The following PIKFYVE variants were observed in gnomAD, a reference collection of about 807,000 sequenced individuals.
PIKFYVE encodes 1-phosphatidylinositol 3-phosphate 5-kinase.
PIKFYVE carries 122 observed loss-of-function variants against 257.9 expected under a neutral mutation model. The observed-to-expected ratio is 0.47, with a 90% CI of 0.41 to 0.55. PIKFYVE has a LOEUF of 0.55. Ranked by LOEUF, PIKFYVE falls within the 20% of genes least tolerant of loss-of-function variation. PIKFYVE has a pLI of 0.00. For synonymous variants in PIKFYVE, 892 were observed against 868.9 expected (o/e 1.03, Z -0.47); for missense variants, 2,160 against 2,536.6 (o/e 0.85, Z 3.19).
intron 1 of PIKFYVE, chr2:208,269,211 T>C (rs959440540): frequency 6.6e-6 from 1 of 152,164 alleles, no homozygotes; most frequent in Admixed American, 6.5e-5. Context: ...TAAACTATAG[T>C]ATATATATTG....
intron 12 of PIKFYVE, chr2:208,305,228 A>G (rs1694183232): frequency 2.1e-6 from 3 of 1,443,474 alleles, no homozygotes; most frequent in African/African-American, 2.8e-5. Context: ...CAGCACCACC[A>G]TGCCCAGTGT....
chr2:208,325,677 C>G lies in PIKFYVE; in HGVS notation c.2866C>G (p.Gln956Glu). 3 of 1,614,128 alleles carry G rather than the reference C, an allele frequency of 1.9e-6. No homozygotes were observed. The highest frequency in any genetic ancestry group is 2.5e-6 in the Non-Finnish European group (3 of 1,180,026). The change falls in exon 20 of 42, where the codon CAA becomes GAA. Residue 956 changes from glutamine (Q) to glutamate (E), a missense_variant. Transcript: ENST00000264380. ...GCAGGCTGTTGCCTCTGTGAAGCAT[C>G]AAGAACATAGCACAACAGCTTGCCC... ...LPQAVASVKHQEHSTTACPAG... is the reference protein window; with the variant it reads ...LPQAVASVKHEEHSTTACPAG...
chr2:208,322,927 T>C (rs529602285), intron 17 of PIKFYVE, among the ~76,000 whole-genome samples: 10 of 142,910 alleles, frequency 7.0e-5, no homozygotes, highest in African/African-American at 2.6e-4. Flanking sequence ...TTCCCACCTA[T>C]GAGTGAGAAC....
intron 2 of PIKFYVE, 87 bp from the exon 3 acceptor site, chr2:208,273,497 A>G (rs1287900787): frequency 3.3e-5 from 51 of 1,525,246 alleles, no homozygotes; most frequent in Non-Finnish European, 4.0e-5. Flanking sequence ...ATACATGCAT[A>G]CATTGTTGCC....
intron 6 of PIKFYVE, among the ~76,000 whole-genome samples, 179 bp from the exon 7 acceptor site, chr2:208,288,550 T>C (rs918231961): frequency 2.6e-5 from 4 of 152,222 alleles, no homozygotes; most frequent in African/African-American, 9.6e-5. Flanking sequence ...TTAAAAGCCA[T>C]GCACTGCAAA....
At chr2:208,275,147 T>A (rs914019955) in intron 3 of PIKFYVE, among the ~76,000 whole-genome samples, 80 of 152,372 alleles carry the variant, frequency 5.3e-4, no homozygotes, top group Middle Eastern at 3.4e-3. Context: ...ATTCTATAAT[T>A]TACTAGCTTT....
At chr2:208,325,180 T>C in intron 19 of PIKFYVE, 90 bp from the exon 20 acceptor site, 1 of 1,563,544 alleles carries the variant, frequency 6.4e-7, no homozygotes, top group Middle Eastern at 1.7e-4. Context: ...AGTTTTTCTT[T>C]TACAGATATT....
intron 1 of PIKFYVE, chr2:208,269,490 C>G (rs1689128647): frequency 3.9e-6 from 1 of 255,184 alleles, no homozygotes; most frequent in African/African-American, 2.3e-5. Context: ...TGCTGTTCCC[C>G]TCCTTGACTA....
At position 208,300,977 on chromosome 2, in the gene PIKFYVE, A is replaced by G; in HGVS notation, c.1091A>G (p.His364Arg). Residue 364 changes from histidine (H) to arginine (R), a missense_variant, in exon 9 of 42, where the codon CAT becomes CGT. By Grantham distance (29) the His-to-Arg change is conservative. Around this residue, in one of 12 missense-constraint regions of PIKFYVE, gnomAD observed 3 missense variants for 17.5 expected, o/e 0.17. Transcript: ENST00000264380. ...QLKDLWKKIC[H>R]HSSGMEFQDH... ...AAAGACCTGTGGAAAAAAATCTGCC[A>G]TCACAGCAGTGGAATGGAGTTTCAG... 6.2e-7 allele frequency: 1 copy of G among 1,614,162 alleles called. No individual in the cohort carries two copies. Among genetic ancestry groups the G allele is most frequent in the African/African-American group, 1.3e-5 (1 of 75,062 alleles).
chr2:208,272,372 G>A (rs1689544585), intron 2 of PIKFYVE, among the ~76,000 whole-genome samples: 1 of 151,732 alleles, frequency 6.6e-6, no homozygotes, highest in South Asian at 2.1e-4. Context: ...GTTCTTTTGG[G>A]GGTTAATAGC....
chr2:208,352,294 C>T (rs978066686), intron 38 of PIKFYVE, among the ~76,000 whole-genome samples: 1 of 152,040 alleles, frequency 6.6e-6, no homozygotes, highest in African/African-American at 2.4e-5. Context: ...CCACCAGTGC[C>T]CCCCACCCCA....
chr2:208,308,709 G>GTTTTT (rs34169884), intron 12 of PIKFYVE, among the ~76,000 whole-genome samples: 1 of 140,534 alleles, frequency 7.1e-6, no homozygotes, highest in Non-Finnish European at 1.5e-5. Flanking sequence ...CTAGTAGTTG[G>GTTTTT]TTTTTTTTTT....
intron 5 of PIKFYVE, among the ~76,000 whole-genome samples, chr2:208,284,602 C>T (rs1350785140): frequency 1.3e-5 from 2 of 151,840 alleles, no homozygotes; most frequent in African/African-American, 4.8e-5. Flanking sequence ...TTTTTACTCT[C>T]ATATATTATA....
intron 8 of PIKFYVE, among the ~76,000 whole-genome samples, chr2:208,299,171 A>C (rs978956413): frequency 6.6e-6 from 1 of 152,138 alleles, no homozygotes; most frequent in African/African-American, 2.4e-5. Flanking sequence ...GAAATATATA[A>C]GTGAAATAGC....
chr2:208,287,184 A>T (rs868155805), intron 6 of PIKFYVE, among the ~76,000 whole-genome samples: 1 of 152,146 alleles, frequency 6.6e-6, no homozygotes, highest in Admixed American at 6.5e-5. Context: ...TATGAAAGTT[A>T]TAACAGTGGT....
At chr2:208,279,221 A>G (rs1159046688) in intron 5 of PIKFYVE, among the ~76,000 whole-genome samples, 1 of 152,014 alleles carries the variant, frequency 6.6e-6, no homozygotes, top group Non-Finnish European at 1.5e-5. Context: ...GTGTCTGTTC[A>G]TGTCTTTTGC....
intron 8 of PIKFYVE, 123 bp downstream of exon 8, chr2:208,298,902 G>A: frequency 7.8e-7 from 1 of 1,275,462 alleles, no homozygotes; most frequent in Non-Finnish European, 1.1e-6. Context: ...GGGTGCAGTG[G>A]TGTGATCTTG....
intron 23 of PIKFYVE, 116 bp downstream of exon 23, chr2:208,330,810 T>A: frequency 9.5e-7 from 1 of 1,056,562 alleles, no homozygotes; most frequent in Non-Finnish European, 1.4e-6. Context: ...GTTATAGAGC[T>A]CTATTTGTCA....
intron 4 of PIKFYVE, 26 bp from the exon 5 acceptor site, chr2:208,277,511 G>A (rs760182732): frequency 9.9e-6 from 16 of 1,610,862 alleles, no homozygotes; most frequent in Non-Finnish European, 1.4e-5. Flanking sequence ...TTTTCAAGAA[G>A]CCTTCACACA....
Sources: gnomAD v4.1 joint callset for allele counts (sites outside exome capture counted in the v4.1 genomes callset) on GRCh38, gnomAD v4.1.1 for gene constraint, gnomAD v4.1.1 regional missense constraint, MANE v1.5 for transcripts, NCBI Gene and HGNC (gene_info 2026-07-23, HGNC 2026-07-21) for gene names.